TENM1: variants seen among roughly 807,000 people sequenced by gnomAD.
The protein encoded by TENM1 is teneurin transmembrane protein 1, also known as teneurin-1.
TENM1 carries 35 observed loss-of-function variants against 174.8 expected under a neutral mutation model. The observed-to-expected ratio is 0.20, with a 90% CI of 0.15 to 0.27. TENM1 has a LOEUF of 0.27. Ranked by LOEUF, TENM1 falls within the 10% of genes least tolerant of loss-of-function variation. The pLI is 1.00. For missense variants in TENM1, 1,633 were observed against 2,130.1 expected, an observed-to-expected ratio of 0.77 and a Z score of 4.59; for synonymous variants, 781 against 798.7, an observed-to-expected ratio of 0.98 and a Z score of 0.37.
intron 11 of TENM1, among the ~76,000 whole-genome samples, chrX:124,618,039 A>G (rs190958976): frequency 5.8e-4 from 65 of 112,367 alleles, no homozygotes; most frequent in African/African-American, 1.9e-3. Flanking sequence ...ATGAAATGTC[A>G]GTATACTTAA....
At chrX:125,162,526 A>G in the TENM1 span, among the ~76,000 whole-genome samples, 6 of 111,908 alleles carry the variant, frequency 5.4e-5, no homozygotes, top group African/African-American at 2.0e-4. Flanking sequence ...GACCACCTCC[A>G]CATCTCTTGA....
intron 2 of TENM1, 87 bp downstream of exon 5, chrX:124,895,894 G>A: frequency 2.8e-6 from 3 of 1,062,618 alleles, no homozygotes; most frequent in Non-Finnish European, 3.8e-6. Context: ...AATGAAAGAA[G>A]GGCAGATATA....
chrX:124,710,941 G>GT (rs1472383986), intron 4 of TENM1, among the ~76,000 whole-genome samples: 1 of 112,225 alleles, frequency 8.9e-6, no homozygotes, highest in African/African-American at 3.2e-5. Context: ...CAAATGCTCA[G>GT]TGCTAGATGT....
chrX:124,866,521 G>A (rs1045677721), intron 3 of TENM1, among the ~76,000 whole-genome samples: 2 of 111,336 alleles, frequency 1.8e-5, no homozygotes, highest in East Asian at 5.6e-4. Flanking sequence ...GTACTAAGAA[G>A]GAGGTTTATA....
chrX:125,186,596 C>A, the TENM1 span, among the ~76,000 whole-genome samples: 1 of 107,994 alleles, frequency 9.3e-6, no homozygotes, highest in Non-Finnish European at 1.9e-5. Context: ...AAAAGCCTGG[C>A]ACACACTCTC....
the TENM1 span, among the ~76,000 whole-genome samples, chrX:125,059,729 T>C: frequency 9.0e-6 from 1 of 111,449 alleles, no homozygotes; most frequent in Non-Finnish European, 1.9e-5. Context: ...TAAGTATTCA[T>C]CAACAGACAA....
intron 11 of TENM1, among the ~76,000 whole-genome samples, chrX:124,586,627 C>A (rs1229665953): frequency 9.2e-6 from 1 of 108,640 alleles, no homozygotes; most frequent in Non-Finnish European, 1.9e-5. Flanking sequence ...AAAACTGGCA[C>A]AAGAGAGGGA....
chrX:124,776,301 G>T (rs5956691), intron 3 of TENM1, among the ~76,000 whole-genome samples: 5,032 of 111,690 alleles, frequency 0.045, 182 homozygotes, highest in African/African-American at 0.12. Context: ...GGTAATGTAA[G>T]TGGTAAACAT....
At chrX:124,606,698 T>A (rs766002739) in intron 11 of TENM1, among the ~76,000 whole-genome samples, 3 of 111,375 alleles carry the variant, frequency 2.7e-5, no homozygotes, top group Non-Finnish European at 5.7e-5. Flanking sequence ...TTTGGAGGAA[T>A]GGAATGAGCA....
chrX:125,127,051 A>C, the TENM1 span, among the ~76,000 whole-genome samples: 2 of 111,895 alleles, frequency 1.8e-5, no homozygotes, highest in African/African-American at 6.5e-5. Flanking sequence ...TTGGCCACTT[A>C]TATATGCACA....
chrX:125,121,692 G>GGAT, the TENM1 span, among the ~76,000 whole-genome samples: 1 of 111,911 alleles, frequency 8.9e-6, no homozygotes, highest in Admixed American at 9.5e-5. Context: ...TCCCCTTGGA[G>GGAT]GTTGACTCAG....
chrX:124,712,207 C>T (rs182896100), intron 4 of TENM1, among the ~76,000 whole-genome samples: 26 of 111,528 alleles, frequency 2.3e-4, no homozygotes, highest in African/African-American at 7.5e-4. Flanking sequence ...GGATAAATAC[C>T]TAGAAGTAGG....
At chrX:125,098,801 T>C in the TENM1 span, among the ~76,000 whole-genome samples, 1 of 111,815 alleles carries the variant, frequency 8.9e-6, no homozygotes, top group Non-Finnish European at 1.9e-5. Flanking sequence ...TAACAGCAAC[T>C]GCTGATTAGG....
the TENM1 span, among the ~76,000 whole-genome samples, chrX:125,056,657 G>C: frequency 1.8e-5 from 2 of 111,044 alleles, no homozygotes; most frequent in South Asian, 7.6e-4. Context: ...GGCAAATTTT[G>C]TAACCAGAAC....
At chrX:124,886,540 TATATATATAGAG>T (rs2055598277) in intron 3 of TENM1, among the ~76,000 whole-genome samples, 2 of 90,931 alleles carry the variant, frequency 2.2e-5, no homozygotes, top group African/African-American at 8.5e-5. Flanking sequence ...TATATATATA[TATATATATAGAG>T]AGAGAGAGAG....
At chrX:125,034,864 T>C in the TENM1 span, among the ~76,000 whole-genome samples, 1 of 111,841 alleles carries the variant, frequency 8.9e-6, no homozygotes, top group African/African-American at 3.2e-5. Context: ...ATGACATCAC[T>C]TCAAATAGAC....
the TENM1 span, among the ~76,000 whole-genome samples, chrX:125,089,862 T>C: frequency 9.0e-6 from 1 of 111,623 alleles, no homozygotes; most frequent in Non-Finnish European, 1.9e-5. Context: ...TGGCTTATTA[T>C]ATTCATGCTT....
chrX:124,707,117 T>C (rs1343050187), intron 4 of TENM1, among the ~76,000 whole-genome samples: 1 of 110,714 alleles, frequency 9.0e-6, no homozygotes, highest in Non-Finnish European at 1.9e-5. Context: ...GCAATTCTCC[T>C]GCCTCAGCCT....
At chrX:124,438,979 T>A (rs746311158) in intron 23 of TENM1, among the ~76,000 whole-genome samples, 48 of 112,081 alleles carry the variant, frequency 4.3e-4, no homozygotes, top group Non-Finnish European at 7.1e-4. Flanking sequence ...TTGGTTTTTT[T>A]TATATATATA....
Sources: allele counts gnomAD v4.1 joint callset (sites outside exome capture counted in the v4.1 genomes callset), GRCh38; gene constraint gnomAD v4.1.1; transcripts MANE v1.5; gene names NCBI Gene and HGNC (gene_info 2026-07-23, HGNC 2026-07-21).